The following CACNB2 variants were observed in gnomAD, a reference collection of about 807,000 sequenced individuals.
CACNB2 encodes voltage-dependent L-type calcium channel subunit beta-2.
CACNB2 carries 42 observed loss-of-function variants against 73.3 expected under a neutral mutation model. The ratio of observed to expected loss-of-function variants is 0.57; its 90% CI spans 0.45 to 0.74. The LOEUF (loss-of-function observed/expected upper bound fraction) is 0.74. Among genes scored for constraint, CACNB2 ranks in the 30% least tolerant of loss-of-function variants. The pLI, the probability that CACNB2 is intolerant of heterozygous loss-of-function variation, is 0.00. For synonymous variants in CACNB2, 348 were observed against 310.3 expected, an observed-to-expected ratio of 1.12 and a Z score of -1.28; for missense variants, 940 against 853.0, an observed-to-expected ratio of 1.10 and a Z score of -1.27.
intron 2 of CACNB2, among the ~76,000 whole-genome samples, chr10:18,357,526 A>C (rs1043653540): frequency 1.2e-4 from 18 of 152,234 alleles, no homozygotes; most frequent in Admixed American, 1.3e-4. Context: ...CGGCTATTAA[A>C]GACAATAGTT....
intron 2 of CACNB2, among the ~76,000 whole-genome samples, chr10:18,258,536 C>A (rs1048468990): frequency 6.6e-6 from 1 of 151,904 alleles, no homozygotes; most frequent in Admixed American, 6.6e-5. Flanking sequence ...GACCAGACTT[C>A]CTACCGTGGT....
chr10:18,423,373 A>G (rs561839408), intron 3 of CACNB2, among the ~76,000 whole-genome samples: 44 of 152,298 alleles, frequency 2.9e-4, no homozygotes, highest in Admixed American at 1.4e-3. Context: ...TTACCAAGGC[A>G]TGGGCCGGAG....
intron 2 of CACNB2, among the ~76,000 whole-genome samples, chr10:18,263,692 C>T (rs1014087877): frequency 6.6e-6 from 1 of 152,118 alleles, no homozygotes; most frequent in Non-Finnish European, 1.5e-5. Context: ...GAAAGTTATA[C>T]TCATATGCCA....
chr10:18,262,844 A>G (rs1225283953), intron 2 of CACNB2, among the ~76,000 whole-genome samples: 1 of 152,198 alleles, frequency 6.6e-6, no homozygotes, highest in Non-Finnish European at 1.5e-5. Flanking sequence ...TACCCTACTT[A>G]TTTTAGTTCT....
intron 2 of CACNB2, among the ~76,000 whole-genome samples, chr10:18,165,192 G>T (rs1588593736): frequency 6.6e-6 from 1 of 152,168 alleles, no homozygotes; most frequent in Admixed American, 6.5e-5. Context: ...GCTGGATATT[G>T]AAGAATGAGT....
At chr10:18,224,725 C>G (rs192347884) in intron 2 of CACNB2, among the ~76,000 whole-genome samples, 5 of 152,282 alleles carry the variant, frequency 3.3e-5, no homozygotes, top group Non-Finnish European at 7.4e-5. Flanking sequence ...TGTGGGAGTT[C>G]AGTCCAATAT....
At chr10:18,348,934 C>T (rs536017274) in intron 2 of CACNB2, among the ~76,000 whole-genome samples, 140 of 152,262 alleles carry the variant, frequency 9.2e-4, no homozygotes, top group Non-Finnish European at 1.1e-3. Context: ...GCCTGGGCAA[C>T]ATAGGGAGAC....
At chr10:18,296,479 T>A (rs941492833) in intron 2 of CACNB2, among the ~76,000 whole-genome samples, 1 of 152,154 alleles carries the variant, frequency 6.6e-6, no homozygotes, top group African/African-American at 2.4e-5. Flanking sequence ...AATAAATTAA[T>A]AAGCATATAG....
intron 2 of CACNB2, among the ~76,000 whole-genome samples, chr10:18,201,888 G>A (rs973589264): frequency 6.6e-6 from 1 of 152,148 alleles, no homozygotes; most frequent in African/African-American, 2.4e-5. Flanking sequence ...CAATTTGAGA[G>A]CCAAATGCTA....
At chr10:18,493,985 C>T (rs1289688720) in intron 3 of CACNB2, among the ~76,000 whole-genome samples, 2 of 152,140 alleles carry the variant, frequency 1.3e-5, no homozygotes, top group African/African-American at 4.8e-5. Context: ...CTCTTGTTTC[C>T]TAGTTCTATA....
intron 2 of CACNB2, among the ~76,000 whole-genome samples, chr10:18,192,493 A>G (rs1019361761): frequency 6.6e-6 from 1 of 152,134 alleles, no homozygotes; most frequent in Admixed American, 6.6e-5. Flanking sequence ...TATTACAGGT[A>G]TGAGCCACCA....
intron 3 of CACNB2, among the ~76,000 whole-genome samples, chr10:18,425,292 T>C (rs2045537794): frequency 6.6e-6 from 1 of 152,222 alleles, no homozygotes; most frequent in African/African-American, 2.4e-5. Context: ...TTGTCACATT[T>C]ATATAGCATT....
chr10:18,327,817 GATGAGC>G (rs2040644119), intron 2 of CACNB2, among the ~76,000 whole-genome samples: 1 of 152,174 alleles, frequency 6.6e-6, no homozygotes. Flanking sequence ...TCTTCTTACA[GATGAGC>G]AGGGTTTGGC....
chr10:18,454,409 C>T (rs1267402474), intron 3 of CACNB2, among the ~76,000 whole-genome samples: 8 of 152,186 alleles, frequency 5.3e-5, no homozygotes. Context: ...CCATCCCTCC[C>T]TCCATAAAAT....
At chr10:18,155,164 C>T (rs1472146329) in intron 2 of CACNB2, among the ~76,000 whole-genome samples, 1 of 152,166 alleles carries the variant, frequency 6.6e-6, no homozygotes, top group Non-Finnish European at 1.5e-5. Context: ...AAGAAATAAG[C>T]ATTCAGCCTC....
At chr10:18,358,759 A>T (rs990837428) in intron 2 of CACNB2, among the ~76,000 whole-genome samples, 1 of 152,204 alleles carries the variant, frequency 6.6e-6, no homozygotes, top group Admixed American at 6.5e-5. Context: ...ATGACAAAGA[A>T]GTGTGAATTG....
intron 3 of CACNB2, among the ~76,000 whole-genome samples, chr10:18,455,756 TG>T (rs2047246906): frequency 1.3e-5 from 2 of 152,200 alleles, no homozygotes; most frequent in African/African-American, 2.4e-5. Flanking sequence ...CAACTGCAAA[TG>T]GATTCTGCTT....
At chr10:18,304,518 AT>A (rs11450137) in intron 2 of CACNB2, among the ~76,000 whole-genome samples, 8 of 151,286 alleles carry the variant, frequency 5.3e-5, no homozygotes, top group African/African-American at 1.2e-4. Flanking sequence ...TTTTCACTCC[AT>A]TTTTTTTTCC....
At chr10:18,177,901 A>C (rs1266091815) in intron 2 of CACNB2, among the ~76,000 whole-genome samples, 1 of 152,222 alleles carries the variant, frequency 6.6e-6, no homozygotes, top group Non-Finnish European at 1.5e-5. Flanking sequence ...TGGCATAGTG[A>C]GTTTGGGGTG....
Sources: allele counts gnomAD v4.1 joint callset (sites outside exome capture counted in the v4.1 genomes callset), GRCh38; gene constraint gnomAD v4.1.1; transcripts MANE v1.5; gene names NCBI Gene and HGNC (gene_info 2026-07-23, HGNC 2026-07-21).